Variants in BFSP2 observed in about 807,000 individuals in gnomAD.
The protein encoded by BFSP2 is beaded filament structural protein 2, also known as phakinin.
In BFSP2, 38 loss-of-function variants were observed where a neutral mutation model predicts 44.9. That is an observed-to-expected ratio of 0.85 (90% CI 0.65 to 1.11). BFSP2 has a LOEUF of 1.11. Among genes scored for constraint, BFSP2 ranks in the 50% least tolerant of loss-of-function variants. The pLI is 0.00. For synonymous variants in BFSP2, 197 were observed against 209.9 expected, an observed-to-expected ratio of 0.94 and a Z score of 0.53; for missense variants, 525 against 533.0, an observed-to-expected ratio of 0.99 and a Z score of 0.15.
At chr3:133,447,242 A>T in intron 1 of BFSP2, 75 bp from the exon 2 acceptor site, 1 of 1,517,480 alleles carries the variant, frequency 6.6e-7, no homozygotes, top group South Asian at 1.1e-5. Flanking sequence ...CTCTGTGCCT[A>T]ACACAAGTCA....
At chr3:133,404,432 C>G (rs1208991316) in intron 1 of BFSP2, among the ~76,000 whole-genome samples, 2 of 152,140 alleles carry the variant, frequency 1.3e-5, no homozygotes, top group Non-Finnish European at 2.9e-5. Flanking sequence ...ACCCAGGTAC[C>G]TACAGGTGGC....
At chr3:133,456,791 A>G (rs1373892792) in intron 4 of BFSP2, among the ~76,000 whole-genome samples, 1 of 152,152 alleles carries the variant, frequency 6.6e-6, no homozygotes, top group Non-Finnish European at 1.5e-5. Context: ...CTAACTTTTA[A>G]TTATGTTTAA....
At chr3:133,427,149 C>T (rs78092789) in intron 1 of BFSP2, among the ~76,000 whole-genome samples, 111 of 152,324 alleles carry the variant, frequency 7.3e-4, no homozygotes, top group African/African-American at 2.6e-3. Context: ...AAACTCCCAG[C>T]CATGCTGGTT....
intron 3 of BFSP2, 51 bp downstream of exon 3, chr3:133,448,696 T>C (rs761016052): frequency 1.2e-6 from 2 of 1,601,002 alleles, no homozygotes; most frequent in Non-Finnish European, 1.7e-6. Flanking sequence ...GAAGTTCACA[T>C]CTGTCTGCCT....
intron 1 of BFSP2, among the ~76,000 whole-genome samples, chr3:133,428,486 A>G (rs2073675610): frequency 6.6e-6 from 1 of 151,302 alleles, no homozygotes; most frequent in South Asian, 2.1e-4. Context: ...TAGTTCCAAA[A>G]AAAAAAAGAG....
chr3:133,459,047 G>C (rs923181526), intron 4 of BFSP2, among the ~76,000 whole-genome samples: 4 of 152,148 alleles, frequency 2.6e-5, no homozygotes, highest in African/African-American at 9.7e-5. Context: ...CCCATAAAAA[G>C]TGTAAGGACT....
At chr3:133,439,815 C>A (rs546761225) in intron 1 of BFSP2, among the ~76,000 whole-genome samples, 1 of 152,098 alleles carries the variant, frequency 6.6e-6, no homozygotes, top group African/African-American at 2.4e-5. Flanking sequence ...AGGTTCATTC[C>A]GGAGCACAGC....
At chr3:133,446,119 G>A (rs2073894203) in intron 1 of BFSP2, among the ~76,000 whole-genome samples, 1 of 152,122 alleles carries the variant, frequency 6.6e-6, no homozygotes, top group South Asian at 2.1e-4. Flanking sequence ...AGCTTTGCTA[G>A]TGGGGAATTC....
intron 3 of BFSP2, 152 bp from the exon 4 acceptor site, chr3:133,450,151 G>A (rs2073948348): frequency 2.4e-6 from 2 of 842,118 alleles, no homozygotes; most frequent in Non-Finnish European, 1.9e-6. Flanking sequence ...CTGGGAAGAA[G>A]GTCAGGGACT....
intron 4 of BFSP2, among the ~76,000 whole-genome samples, chr3:133,452,449 A>C (rs2073974123): frequency 6.6e-6 from 1 of 152,188 alleles, no homozygotes; most frequent in Non-Finnish European, 1.5e-5. Flanking sequence ...TCAAAAAATG[A>C]CTTCCCCTCG....
chr3:133,428,235 T>C (rs1211494871), intron 1 of BFSP2, among the ~76,000 whole-genome samples: 1 of 152,076 alleles, frequency 6.6e-6, no homozygotes, highest in Non-Finnish European at 1.5e-5. Flanking sequence ...CCACGTAGTA[T>C]GGAAGTGCTC....
At chr3:133,466,277 C>A (rs1340193178) in intron 4 of BFSP2, among the ~76,000 whole-genome samples, 1 of 151,916 alleles carries the variant, frequency 6.6e-6, no homozygotes, top group Non-Finnish European at 1.5e-5. Context: ...GAAAATGAGA[C>A]TTTATAGTCT....
chr3:133,446,904 C>A (rs530807621), intron 1 of BFSP2, among the ~76,000 whole-genome samples: 1 of 151,702 alleles, frequency 6.6e-6, no homozygotes, highest in East Asian at 2.0e-4. Flanking sequence ...GCTCTCTCAG[C>A]ACTCATCTAG....
chr3:133,401,811 G>C (rs2073364570), intron 1 of BFSP2, among the ~76,000 whole-genome samples: 1 of 152,104 alleles, frequency 6.6e-6, no homozygotes, highest in East Asian at 1.9e-4. Context: ...TGTATAGCTG[G>C]GGGAAGCTAA....
chr3:133,437,479 C>T (rs138979872), intron 1 of BFSP2, among the ~76,000 whole-genome samples: 3,155 of 151,476 alleles, frequency 0.021, 118 homozygotes, highest in African/African-American at 0.072. Context: ...GCCGAGATCA[C>T]GCCATTGCAC....
chr3:133,420,154 G>A (rs920920968), intron 1 of BFSP2, among the ~76,000 whole-genome samples: 3 of 152,158 alleles, frequency 2.0e-5, no homozygotes, highest in Admixed American at 1.3e-4. Context: ...GCATGCCGCA[G>A]CAACAGAAAA....
At chr3:133,402,211 A>G (rs950266121) in intron 1 of BFSP2, among the ~76,000 whole-genome samples, 3 of 152,174 alleles carry the variant, frequency 2.0e-5, no homozygotes, top group Admixed American at 6.5e-5. Flanking sequence ...CAGGTATCCC[A>G]ATGGCTAGGT....
chr3:133,415,825 GCC>G (rs2073519848), intron 1 of BFSP2, among the ~76,000 whole-genome samples: 1 of 90,512 alleles, frequency 1.1e-5, no homozygotes, highest in African/African-American at 4.5e-5. Context: ...ATTCACCCCT[GCC>G]CTCTTCCCTC....
At position 133,461,657 on chromosome 3, in the gene BFSP2, T is replaced by C. The variant is rs145617339; in HGVS notation, c.892-5171T>C. 2.6e-3 allele frequency among the ~76,000 whole-genome samples: 398 copies of C among 152,352 alleles called. 3 individuals carry two copies. The highest frequency in any genetic ancestry group is 8.7e-3 in the African/African-American group (361 of 41,580). ...TCTAAAAAGCCATTGGATAAAAATGTGTAATACTTTTAGGTGAATTACTTT... is the reference window on the plus strand; with the variant it reads ...TCTAAAAAGCCATTGGATAAAAATGCGTAATACTTTTAGGTGAATTACTTT... On this transcript the variant is annotated intron_variant, in intron 4 of 6. Transcript: ENST00000302334.
Sources: gnomAD v4.1 joint callset for allele counts (sites outside exome capture counted in the v4.1 genomes callset) on GRCh38, gnomAD v4.1.1 for gene constraint, MANE v1.5 for transcripts, NCBI Gene and HGNC (gene_info 2026-07-23, HGNC 2026-07-21) for gene names.